KIAA1328: variants seen among roughly 807,000 people sequenced by gnomAD.
KIAA1328 encodes the protein KIAA1328.
KIAA1328 carries 52 observed loss-of-function variants against 68.1 expected under a neutral mutation model. That is an observed-to-expected ratio of 0.76 (90% CI 0.61 to 0.96). KIAA1328 has a LOEUF of 0.96. Among genes scored for constraint, KIAA1328 ranks in the 40% least tolerant of loss-of-function variants. The pLI is 0.00. For missense variants in KIAA1328, 641 were observed against 677.6 expected (o/e 0.95, Z 0.60); for synonymous variants, 232 against 239.4 (o/e 0.97, Z 0.28).
intron 5 of KIAA1328, among the ~76,000 whole-genome samples, chr18:36,943,433 A>G (rs1238695600): frequency 2.0e-5 from 3 of 152,234 alleles, no homozygotes; most frequent in Non-Finnish European, 4.4e-5. Context: ...CAGAGCCATT[A>G]TCTGAACTAG....
intron 7 of KIAA1328, among the ~76,000 whole-genome samples, chr18:37,099,170 A>G (rs868346066): frequency 1.3e-5 from 2 of 151,918 alleles, no homozygotes; most frequent in African/African-American, 4.8e-5. Context: ...TGATGTTAGG[A>G]TGTCAATTTT....
chr18:37,201,949 T>A (rs1389128231), intron 9 of KIAA1328, among the ~76,000 whole-genome samples: 1 of 152,190 alleles, frequency 6.6e-6, no homozygotes, highest in East Asian at 1.9e-4. Context: ...AACAGTCTGG[T>A]CACATTTAAA....
chr18:37,143,892 G>A (rs796411205), intron 7 of KIAA1328, among the ~76,000 whole-genome samples: 1 of 151,940 alleles, frequency 6.6e-6, no homozygotes, highest in East Asian at 1.9e-4. Context: ...CCGTGATATG[G>A]TACCATTTTA....
intron 7 of KIAA1328, among the ~76,000 whole-genome samples, chr18:37,095,289 G>A (rs929410840): frequency 2.0e-5 from 3 of 152,082 alleles, no homozygotes; most frequent in African/African-American, 7.2e-5. Flanking sequence ...CATTCTTCTC[G>A]TCAGCACACA....
intron 7 of KIAA1328, among the ~76,000 whole-genome samples, chr18:37,138,565 A>G (rs963655247): frequency 2.0e-5 from 3 of 152,156 alleles, no homozygotes; most frequent in African/African-American, 7.2e-5. Flanking sequence ...TCTTTGCATA[A>G]TAAATACTAG....
At chr18:37,180,058 CCA>C (rs139301794) in intron 9 of KIAA1328, among the ~76,000 whole-genome samples, 25,025 of 133,670 alleles carry the variant, frequency 0.19, 2,075 homozygotes, top group Middle Eastern at 0.21. Context: ...GATTCAAAAG[CCA>C]CACACACACA....
At chr18:36,982,813 A>G (rs2052750111) in intron 6 of KIAA1328, among the ~76,000 whole-genome samples, 2 of 151,998 alleles carry the variant, frequency 1.3e-5, no homozygotes, top group South Asian at 4.1e-4. Context: ...GGTTTTAACA[A>G]ATATATATAA....
intron 7 of KIAA1328, chr18:37,074,683 T>A (rs141868924): frequency 0.042 from 6,526 of 153,718 alleles, 169 homozygotes; most frequent in Non-Finnish European, 0.062. Context: ...TTATTCTAGT[T>A]ATACATTCAT....
chr18:37,022,891 TAG>T (rs1231745887), intron 6 of KIAA1328, among the ~76,000 whole-genome samples: 3 of 152,220 alleles, frequency 2.0e-5, no homozygotes, highest in African/African-American at 7.2e-5. Context: ...GGCTTTAGGA[TAG>T]AGTTTCCTTA....
In KIAA1328 at chr18:36,957,872, C is replaced by T. The variant is rs562630159; in HGVS notation, c.449-1436C>T. Among the ~76,000 whole-genome samples the T allele has an allele frequency of 2.6e-5, 4 of 152,086 alleles. No individual in the cohort carries two copies. The South Asian group carries it at 8.3e-4, about 32-fold the overall frequency. ...ATAATTAAATGGTTTTGAGTATATTCCAAAAATGTGCAAACACCACTACTT... is the reference window on the plus strand; with the variant it reads ...ATAATTAAATGGTTTTGAGTATATTTCAAAAATGTGCAAACACCACTACTT... On this transcript the variant is annotated intron_variant, in intron 5 of 9. Transcript: ENST00000280020.
chr18:36,986,161 GTT>G (rs140633181), intron 6 of KIAA1328, among the ~76,000 whole-genome samples: 2 of 145,510 alleles, frequency 1.4e-5, no homozygotes, highest in African/African-American at 2.5e-5. Flanking sequence ...TTCACAGCAG[GTT>G]TTTTTTTTTT....
chr18:37,133,081 T>G (rs1409864093), intron 7 of KIAA1328, among the ~76,000 whole-genome samples: 1 of 152,126 alleles, frequency 6.6e-6, no homozygotes, highest in Non-Finnish European at 1.5e-5. Flanking sequence ...ACGTCTGTAA[T>G]CCCAGCACTT....
chr18:37,015,945 A>G (rs928939207), intron 6 of KIAA1328, among the ~76,000 whole-genome samples: 3 of 152,168 alleles, frequency 2.0e-5, no homozygotes, highest in African/African-American at 7.2e-5. Flanking sequence ...ATGGTCCATG[A>G]GGAGAGAGAG....
Position 36,943,792 on chromosome 18 carries a change from C to A in KIAA1328, c.449-15516C>A, listed in dbSNP as rs1231230200. 3.9e-5 allele frequency among the ~76,000 whole-genome samples: 6 copies of A among 152,266 alleles called. 1 individual carries two copies. The Middle Eastern group carries it at 0.02, about 518-fold the overall frequency. ...TTTTATTATATATAGGTTATCCTAA[C>A]TTAATTCATTTGTATTATACCATAT... On this transcript the variant is annotated intron_variant, in intron 5 of 9. Coordinates refer to ENST00000280020, the MANE Select transcript of KIAA1328 (RefSeq NM_020776.3).
chr18:37,092,328 C>A (rs1219789787), intron 7 of KIAA1328, among the ~76,000 whole-genome samples: 1 of 152,060 alleles, frequency 6.6e-6, no homozygotes, highest in Non-Finnish European at 1.5e-5. Flanking sequence ...CATCTACCAC[C>A]GTTGCCAGAG....
At chr18:36,925,908 C>T (rs1568172522) in intron 5 of KIAA1328, among the ~76,000 whole-genome samples, 1 of 152,034 alleles carries the variant, frequency 6.6e-6, no homozygotes, top group Non-Finnish European at 1.5e-5. Context: ...GTATTTATTT[C>T]ATCTAGTTTC....
intron 4 of KIAA1328, among the ~76,000 whole-genome samples, chr18:36,854,644 C>T (rs2047324099): frequency 6.6e-6 from 1 of 152,116 alleles, no homozygotes; most frequent in African/African-American, 2.4e-5. Flanking sequence ...CCATTCTCCC[C>T]ACCTTTTTTT....
At chr18:36,968,159 A>G (rs1312806706) in intron 6 of KIAA1328, among the ~76,000 whole-genome samples, 1 of 152,210 alleles carries the variant, frequency 6.6e-6, no homozygotes, top group East Asian at 1.9e-4. Flanking sequence ...AGCAACTGCA[A>G]AAACACACTT....
intron 1 of KIAA1328, among the ~76,000 whole-genome samples, chr18:36,831,859 G>A (rs2046504689): frequency 6.6e-6 from 1 of 152,014 alleles, no homozygotes; most frequent in South Asian, 2.1e-4. Context: ...TACCACTTCT[G>A]CCTGGGTTTC....
Sources: allele counts gnomAD v4.1 joint callset (sites outside exome capture counted in the v4.1 genomes callset), GRCh38; gene constraint gnomAD v4.1.1; transcripts MANE v1.5; gene names NCBI Gene and HGNC (gene_info 2026-07-23, HGNC 2026-07-21).